The following CMBL variants were observed in gnomAD, a reference collection of about 807,000 sequenced individuals.
The protein encoded by CMBL is carboxymethylenebutenolidase homolog (Pseudomonas).
Under a neutral mutation model 28.7 loss-of-function variants are expected in CMBL, and 17 were observed. The ratio of observed to expected loss-of-function variants is 0.59; its 90% CI spans 0.41 to 0.89. CMBL has a LOEUF of 0.89. Among genes scored for constraint, CMBL ranks in the 40% least tolerant of loss-of-function variants. CMBL has a pLI of 0.00. For synonymous variants in CMBL, 106 were observed against 101.6 expected (o/e 1.04, Z -0.26); for missense variants, 310 against 298.5 (o/e 1.04, Z -0.28).
intron 2 of CMBL, among the ~76,000 whole-genome samples, chr5:10,290,011 G>C (rs1265616415): frequency 6.6e-6 from 1 of 152,196 alleles, no homozygotes; most frequent in Non-Finnish European, 1.5e-5. Context: ...TTGGCCAAAG[G>C]TGGCCATGGC....
intron 1 of CMBL, among the ~76,000 whole-genome samples, chr5:10,302,823 A>G (rs1043593131): frequency 7.9e-5 from 12 of 152,182 alleles, no homozygotes; most frequent in Non-Finnish European, 1.3e-4. Flanking sequence ...TTTTACCCCA[A>G]AATATTTTTG....
chr5:10,293,846 G>A (rs1561064606), intron 1 of CMBL, among the ~76,000 whole-genome samples: 1 of 152,192 alleles, frequency 6.6e-6, no homozygotes, highest in African/African-American at 2.4e-5. Context: ...ACATTCTAGT[G>A]GGATGAAATA....
chr5:10,297,977 T>C (rs1285995091), intron 1 of CMBL, among the ~76,000 whole-genome samples: 12 of 152,086 alleles, frequency 7.9e-5, no homozygotes, highest in Admixed American at 7.9e-4. Context: ...GGGGAGAGGA[T>C]AAGCAGGAAA....
rs566005764 is a variant in CMBL at position 10,282,114 on chromosome 5, C to T, written c.558+83G>A. 177 of 936,732 alleles carry T rather than the reference C, an allele frequency of 1.9e-4. 2 individuals carry two copies. The highest frequency in any genetic ancestry group is 1.2e-3 in the Middle Eastern group (4 of 3,278). 58.0% of individuals were successfully genotyped at this position (936,732 alleles called of 1,614,324 possible). On this transcript the variant is annotated intron_variant, in intron 5 of 5. Transcript: ENST00000296658. ...GGTGGAGGTTGCAGTGAGCCGAGATCGCGCCACTGCATTCCAGCCTGGGCG... is the reference window on the plus strand; with the variant it reads ...GGTGGAGGTTGCAGTGAGCCGAGATTGCGCCACTGCATTCCAGCCTGGGCG...
intron 5 of CMBL, among the ~76,000 whole-genome samples, chr5:10,281,841 G>A (rs757242861): frequency 2.6e-5 from 4 of 152,066 alleles, no homozygotes; most frequent in Non-Finnish European, 5.9e-5. Flanking sequence ...CCCACTCCCC[G>A]CAGAATGTCA....
At chr5:10,307,467 CT>C (rs886954410) in intron 1 of CMBL, 157 bp downstream of exon 1, 5 of 152,228 alleles carry the variant, frequency 3.3e-5, no homozygotes, top group Non-Finnish European at 7.3e-5. Context: ...CAACGTATCA[CT>C]TTTATGAAAG....
In CMBL at chr5:10,307,645, T is replaced by C. The variant is rs1026866747; in HGVS notation, c.-40A>G. 1 of 152,048 alleles carries C rather than the reference T, an allele frequency of 6.6e-6. No homozygotes were observed. Among genetic ancestry groups the C allele is most frequent in the Admixed American group, 6.6e-5 (1 of 15,260 alleles). 9.4% of individuals were successfully genotyped at this position (152,048 alleles called of 1,614,324 possible). ...CGTACCTTGTCCCGCGGCCTGAGACTGCGCTGCACCGCGCGGAGGCCGAAC... is the reference window on the plus strand; with the variant it reads ...CGTACCTTGTCCCGCGGCCTGAGACCGCGCTGCACCGCGCGGAGGCCGAAC... On this transcript the variant is annotated 5_prime_UTR_variant, in exon 1 of 6. Coordinates refer to ENST00000296658, the MANE Select transcript of CMBL (RefSeq NM_138809.4).
intron 1 of CMBL, among the ~76,000 whole-genome samples, chr5:10,299,586 C>T (rs976613163): frequency 1.3e-5 from 2 of 151,982 alleles, no homozygotes; most frequent in African/African-American, 4.8e-5. Context: ...TGCCTGTAAT[C>T]CCAGCACTTT....
chr5:10,300,806 TTTTA>T (rs1314243784), intron 1 of CMBL, among the ~76,000 whole-genome samples: 3 of 148,520 alleles, frequency 2.0e-5, no homozygotes, highest in East Asian at 3.9e-4. Flanking sequence ...TTATTTTTAT[TTTTA>T]TTTATTTATT....
At chr5:10,286,711 G>A (rs1371563840) in intron 3 of CMBL, among the ~76,000 whole-genome samples, 4 of 152,174 alleles carry the variant, frequency 2.6e-5, no homozygotes, top group African/African-American at 9.7e-5. Context: ...CTGCCTGACA[G>A]CTGCAGGCAA....
At chr5:10,281,901 C>T (rs759903591) in intron 5 of CMBL, among the ~76,000 whole-genome samples, 16 of 139,888 alleles carry the variant, frequency 1.1e-4, no homozygotes, top group Admixed American at 2.0e-4. Flanking sequence ...GGCTCACACC[C>T]ATAATCCCAT....
intron 1 of CMBL, among the ~76,000 whole-genome samples, chr5:10,291,639 G>T (rs10060928): frequency 2.0e-5 from 3 of 150,376 alleles, no homozygotes; most frequent in African/African-American, 4.9e-5. Flanking sequence ...CCAGCCTGGG[G>T]GACAGAGCGA....
chr5:10,295,518 G>A (rs1261821840), intron 1 of CMBL, among the ~76,000 whole-genome samples: 1 of 152,352 alleles, frequency 6.6e-6, no homozygotes, highest in East Asian at 1.9e-4. Flanking sequence ...AAAGTCAGAT[G>A]TTGAAACCCT....
intron 4 of CMBL, among the ~76,000 whole-genome samples, chr5:10,284,044 G>C (rs2126541123): frequency 6.6e-6 from 1 of 152,338 alleles, no homozygotes; most frequent in South Asian, 2.1e-4. Context: ...AGGAGGCAGG[G>C]AGCCACGGGA....
At position 10,303,745 on chromosome 5, in the gene CMBL, C is replaced by T. The variant is rs964838976; in HGVS notation, c.-20+3880G>A. ...GGGGGATCACACACCTCTCATTATCCGCTCCTGACTCACTAATCACCATGA... is the reference window on the plus strand; with the variant it reads ...GGGGGATCACACACCTCTCATTATCTGCTCCTGACTCACTAATCACCATGA... On this transcript the variant is annotated intron_variant, in intron 1 of 5. Coordinates refer to ENST00000296658, the MANE Select transcript of CMBL (RefSeq NM_138809.4). 3.9e-5 allele frequency among the ~76,000 whole-genome samples: 6 copies of T among 152,234 alleles called. No homozygotes were observed. The East Asian group carries it at 5.8e-4, about 15-fold the overall frequency.
chr5:10,282,444 T>A (rs1405230353), intron 4 of CMBL, among the ~76,000 whole-genome samples, 156 bp from the exon 5 acceptor site: 1 of 152,140 alleles, frequency 6.6e-6, no homozygotes, highest in African/African-American at 2.4e-5. Flanking sequence ...CGGACTTTAT[T>A]TTCTTTTTTA....
chr5:10,290,258 G>A lies in CMBL; in HGVS notation c.215+290C>T, dbSNP rs533914962. 7.2e-6 allele frequency: 3 copies of A among 417,504 alleles called. No homozygotes were observed. In the East Asian group the frequency reaches 1.5e-4, roughly 21 times the overall value. 25.9% of individuals were successfully genotyped at this position (417,504 alleles called of 1,614,324 possible). A position where few individuals can be genotyped will look rare whatever the true frequency, so the allele number is the denominator to read the frequency against. On this transcript the variant is annotated intron_variant, in intron 2 of 5. Coordinates refer to ENST00000296658, the MANE Select transcript of CMBL (RefSeq NM_138809.4). ...GGCTGGCCTCAGATGTCCAGTGCCT[G>A]CGTCTGGCTGAGGCCCCACACGGGA...
rs1247284339 is a variant in CMBL, at chr5:10,281,107, A to T, written c.559-475T>A. Among the ~76,000 whole-genome samples the T allele has an allele frequency of 2.6e-5, 4 of 152,274 alleles. No homozygotes were observed. The Middle Eastern group carries it at 0.01, about 388-fold the overall frequency. ...TAATTTTATAACTAACACAGTCCTT[A>T]TGTCTGGCAAAGGAGAGATTTCAGG... is the stretch of plus-strand genomic sequence containing the variant. On this transcript the variant is annotated intron_variant, in intron 5 of 5. Coordinates refer to ENST00000296658, the MANE Select transcript of CMBL (RefSeq NM_138809.4).
chr5:10,293,312 G>A (rs75285519), intron 1 of CMBL, among the ~76,000 whole-genome samples: 12,728 of 152,300 alleles, frequency 0.084, 578 homozygotes, highest in Admixed American at 0.11. Flanking sequence ...TGGAGGCTGG[G>A]AAGTCGCAGT....
Sources: gnomAD v4.1 joint callset for allele counts (sites outside exome capture counted in the v4.1 genomes callset) on GRCh38, gnomAD v4.1.1 for gene constraint, MANE v1.5 for transcripts, NCBI Gene and HGNC (gene_info 2026-07-23, HGNC 2026-07-21) for gene names.